The following CKM variants were observed in gnomAD, a reference collection of about 807,000 sequenced individuals.
The protein encoded by CKM is creatine kinase, M-type, also known as creatine kinase M-type.
In CKM, 28 loss-of-function variants were observed where a neutral mutation model predicts 35.4. The observed-to-expected ratio is 0.79, with a 90% CI of 0.59 to 1.08. CKM has a LOEUF of 1.08. Among genes scored for constraint, CKM ranks in the 50% least tolerant of loss-of-function variants. The pLI, the probability that CKM is intolerant of heterozygous loss-of-function variation, is 0.00. For missense variants in CKM, 484 were observed against 509.8 expected (o/e 0.95, Z 0.49); for synonymous variants, 215 against 204.4 (o/e 1.05, Z -0.44).
intron 3 of CKM, 125 bp downstream of exon 3, chr19:45,317,700 C>T: frequency 9.0e-7 from 1 of 1,111,618 alleles, no homozygotes; most frequent in South Asian, 1.3e-5. Flanking sequence ...TCTCTCTTTC[C>T]ATCTCTCTGC....
chr19:45,321,660 T>C (rs989043478), intron 1 of CKM, among the ~76,000 whole-genome samples: 3 of 152,148 alleles, frequency 2.0e-5, no homozygotes, highest in African/African-American at 7.2e-5. Flanking sequence ...GGTCTCACTA[T>C]GTTGCCCAGG....
chr19:45,316,475 C>CT (rs908051079), intron 3 of CKM, among the ~76,000 whole-genome samples: 30 of 147,600 alleles, frequency 2.0e-4, no homozygotes, highest in South Asian at 8.7e-4. Flanking sequence ...AATTTTTAGG[C>CT]TTTTTTTTTT....
At position 45,306,432 on chromosome 19, in the gene CKM, AT is replaced by A. The variant is rs1396793305; in HGVS notation, c.*317del. The A allele has an allele frequency of 2.3e-5, 10 of 425,810 alleles. No homozygotes were observed. In the East Asian group the frequency reaches 4.4e-4, roughly 19 times the overall value. The allele number at this position is 425,810 out of a possible 1,614,324, so 26.4% of individuals were successfully genotyped here. Reference sequence around the variant, plus strand: ...CAAAGCTAAGGCCACCAATGCTTTTATTTATCGCTTTGCGTGGAGACAAAGC... The same window carrying A: ...CAAAGCTAAGGCCACCAATGCTTTTATTATCGCTTTGCGTGGAGACAAAGC... On this transcript the variant is annotated 3_prime_UTR_variant, in exon 8 of 8. Coordinates refer to ENST00000221476, the MANE Select transcript of CKM (RefSeq NM_001824.5). The surrounding 1 kb of genome is among the most constrained non-coding windows in gnomAD (Gnocchi z 4.5).
chr19:45,320,363 C>G (rs887616618), intron 1 of CKM, among the ~76,000 whole-genome samples: 7 of 152,216 alleles, frequency 4.6e-5, no homozygotes, highest in Non-Finnish European at 1.0e-4. Flanking sequence ...TCCCAAAGTG[C>G]TGGGATTACA....
intron 4 of CKM, among the ~76,000 whole-genome samples, chr19:45,314,152 G>A (rs1424958742): frequency 3.3e-5 from 5 of 149,538 alleles, no homozygotes; most frequent in African/African-American, 1.2e-4. Flanking sequence ...GGAAGGGAAG[G>A]AAGGGAGGAA....
rs760245192 is a variant in CKM at position 45,306,883 on chromosome 19, T to C, written c.1013A>G (p.Asn338Ser). ...AAVGSVFDVS[N>S]ADRLGSSEVE... ...TTCGGACGAGCCCAGCCGATCAGCG[T>C]TGGACACGTCAAATACTGAGCCCAC... is the stretch of plus-strand genomic sequence containing the variant. Residue 338 changes from asparagine (N) to serine (S), a missense_variant, in exon 8 of 8, where the codon AAC becomes AGC. Coordinates refer to ENST00000221476, the MANE Select transcript of CKM (RefSeq NM_001824.5). This position sits in a 1 kb window ranked among gnomAD's most constrained non-coding sequence, Gnocchi z 4.5. The C allele has an allele frequency of 1.9e-6, 3 of 1,614,158 alleles. No homozygotes were observed. The highest frequency in any genetic ancestry group is 1.7e-6 in the Non-Finnish European group (2 of 1,180,040).
At chr19:45,321,418 G>C (rs981066228) in intron 1 of CKM, among the ~76,000 whole-genome samples, 6 of 152,060 alleles carry the variant, frequency 3.9e-5, no homozygotes, top group African/African-American at 1.4e-4. Flanking sequence ...GTCGTCAGAG[G>C]CAGGTTCAAA....
At chr19:45,307,822 G>A (rs182573975) in intron 6 of CKM, among the ~76,000 whole-genome samples, 172 bp from the exon 7 acceptor site, 3 of 152,116 alleles carry the variant, frequency 2.0e-5, no homozygotes, top group African/African-American at 7.2e-5. Flanking sequence ...TGGGGACCAA[G>A]GCAGGATTTT....
intron 2 of CKM, among the ~76,000 whole-genome samples, chr19:45,319,032 T>C (rs960226134): frequency 1.3e-5 from 2 of 152,010 alleles, no homozygotes; most frequent in African/African-American, 2.4e-5. Flanking sequence ...TTTTTTTGTA[T>C]TTTTTGTAGA....
At chr19:45,320,753 C>T (rs1253885781) in intron 1 of CKM, among the ~76,000 whole-genome samples, 2 of 152,150 alleles carry the variant, frequency 1.3e-5, no homozygotes, top group Non-Finnish European at 2.9e-5. Flanking sequence ...ACCTCTGTGC[C>T]TCAATTTACT....
rs758609227 is a variant in CKM at position 45,315,556 on chromosome 19, G to A, written c.390C>T (p.Arg130=). 4.4e-5 allele frequency: 70 copies of A among 1,603,618 alleles called. No homozygotes were observed. In the Middle Eastern group the frequency reaches 4.9e-4, roughly 11 times the overall value. Residue 130 remains arginine (R), a synonymous_variant, in exon 4 of 8, where the codon CGC becomes CGT. Transcript: ENST00000221476. ...CCTTGATGCTGCGGCCAGTGCGGAC[G>A]CGGCTGCTGAGCACGTAGTTAGGGT... The part of the protein sequence containing the change: ...DLDPNYVLSS[R]VRTGRSIKGY...
intron 4 of CKM, among the ~76,000 whole-genome samples, chr19:45,313,537 T>C (rs1011624744): frequency 6.6e-6 from 1 of 152,124 alleles, no homozygotes; most frequent in African/African-American, 2.4e-5. Context: ...AGAGTCAACA[T>C]TTTTCACTTT....
rs538648840 is a variant in CKM at position 45,314,826 on chromosome 19, C to T, written c.481+639G>A. ...TCCCGGGCTCAAGTGATCCTCCCAC[C>T]TCAGTCTCCTGAGTAGCTGGGATGA... is the stretch of plus-strand genomic sequence containing the variant. On this transcript the variant is annotated intron_variant, in intron 4 of 7. Coordinates refer to ENST00000221476, the MANE Select transcript of CKM (RefSeq NM_001824.5). 3.3e-5 allele frequency among the ~76,000 whole-genome samples: 5 copies of T among 152,286 alleles called. No homozygotes were observed. In the East Asian group the frequency reaches 9.6e-4, roughly 29 times the overall value.
intron 5 of CKM, 147 bp downstream of exon 5, chr19:45,311,602 G>T (rs7260463): frequency 0.34 from 236,216 of 697,502 alleles, 42,331 homozygotes; most frequent in African/African-American, 0.5. Context: ...GGATGGGCAG[G>T]GGCGGAGGGC....
chr19:45,309,092 G>A (rs911440325), intron 5 of CKM, among the ~76,000 whole-genome samples: 1 of 151,874 alleles, frequency 6.6e-6, no homozygotes, highest in African/African-American at 2.4e-5. Flanking sequence ...TCTGGGCATG[G>A]TGGCGGGCAT....
intron 4 of CKM, among the ~76,000 whole-genome samples, chr19:45,312,976 TTG>T (rs1317317769): frequency 2.0e-5 from 3 of 149,830 alleles, no homozygotes; most frequent in Non-Finnish European, 4.4e-5. Flanking sequence ...AGAAAAAAAA[TTG>T]TGTGTTTATT....
At chr19:45,314,377 A>T (rs1318324062) in intron 4 of CKM, among the ~76,000 whole-genome samples, 1 of 152,126 alleles carries the variant, frequency 6.6e-6, no homozygotes, top group Non-Finnish European at 1.5e-5. Flanking sequence ...TCTAGACATA[A>T]TGCTATTGTG....
In CKM at chr19:45,317,835, T is replaced by G. The variant is rs1283365609; in HGVS notation, c.338A>C (p.Glu113Ala). 1 of 1,614,002 alleles carries G rather than the reference T, an allele frequency of 6.2e-7. No homozygotes were observed. Among genetic ancestry groups the G allele is most frequent in the Admixed American group, 1.7e-5 (1 of 59,964 alleles). Residue 113 changes from glutamate to alanine, a missense_variant, in exon 3 of 8, where the codon GAA becomes GCA. By Grantham distance (107) the Glu-to-Ala change is moderately radical. Coordinates refer to ENST00000221476, the MANE Select transcript of CKM (RefSeq NM_001824.5). The stretch of plus-strand genomic sequence containing the variant: ...TGCGCAGACACCGACCTTGAGGTTT[T>G]CATGGTTGAGGTCAGTCTTGTGCTT... ...TDKHKTDLNH[E>A]NLKGGDDLDP... is the part of the protein sequence containing the mutation.
chr19:45,311,625 C>T lies in CKM; in HGVS notation c.653+124G>A, dbSNP rs1287266440. On this transcript the variant is annotated intron_variant, in intron 5 of 7. Coordinates refer to ENST00000221476, the MANE Select transcript of CKM (RefSeq NM_001824.5). Reference sequence around the variant, plus strand: ...AGGGGCGGAGGGCAAGATCATTTTCCGTGGCATTTAGAAGATCATAATTAC... The same window carrying T: ...AGGGGCGGAGGGCAAGATCATTTTCTGTGGCATTTAGAAGATCATAATTAC... The T allele has an allele frequency of 3.9e-5, 32 of 811,306 alleles. No homozygotes were observed. In the East Asian group the frequency reaches 7.7e-4, roughly 20 times the overall value. 50.3% of individuals were successfully genotyped at this position (811,306 alleles called of 1,614,324 possible).
Sources: allele counts gnomAD v4.1 joint callset (sites outside exome capture counted in the v4.1 genomes callset), GRCh38; gene constraint gnomAD v4.1.1; non-coding constraint Gnocchi (gnomAD v3.1); transcripts MANE v1.5; gene names NCBI Gene and HGNC (gene_info 2026-07-23, HGNC 2026-07-21).